The following OPN4 variants were observed in gnomAD, a reference collection of about 807,000 sequenced individuals.
The protein encoded by OPN4 is opsin 4.
In OPN4, 43 loss-of-function variants were observed where a neutral mutation model predicts 49.5. The observed-to-expected ratio is 0.87, with a 90% CI of 0.68 to 1.12. The LOEUF (loss-of-function observed/expected upper bound fraction) is 1.12, where lower values mean the gene tolerates loss of function less well. Ranked by LOEUF, OPN4 falls within the 50% of genes most tolerant of loss-of-function variation. The probability of loss-of-function intolerance (pLI) is 0.00; values close to 1 mark genes in which losing one functional copy is unlikely to be tolerated. For synonymous variants in OPN4, 263 were observed against 258.0 expected, an observed-to-expected ratio of 1.02 and a Z score of -0.19; for missense variants, 657 against 643.9, an observed-to-expected ratio of 1.02 and a Z score of -0.22.
chr10:86,660,301 G>A (rs771290293), intron 6 of OPN4, among the ~76,000 whole-genome samples: 2 of 152,208 alleles, frequency 1.3e-5, no homozygotes, highest in East Asian at 1.9e-4. Context: ...AGCTTTGGGC[G>A]GACGGCCTGC....
At chr10:86,656,112 A>T in intron 1 of OPN4, 43 bp from the exon 2 acceptor site, 1 of 1,613,616 alleles carries the variant, frequency 6.2e-7, no homozygotes, top group African/African-American at 1.3e-5. Flanking sequence ...TTTGAAGGTG[A>T]CAAGCGATAA....
Position 86,659,517 on chromosome 10 carries a change from G to A in OPN4, c.800+49G>A, listed in dbSNP as rs185481369. On this transcript the variant is annotated intron_variant, in intron 5 of 9. Transcript: ENST00000241891. ...GCTACAGGAGGGGGACCGGCCCCTCGGCCAGGCGGCCCCTGCCCCACCACT... is the reference window on the plus strand; with the variant it reads ...GCTACAGGAGGGGGACCGGCCCCTCAGCCAGGCGGCCCCTGCCCCACCACT... 1.2e-3 allele frequency: 1,826 copies of A among 1,581,952 alleles called. 3 individuals carry two copies. Among genetic ancestry groups the A allele is most frequent in the Non-Finnish European group, 1.4e-3 (1,653 of 1,166,320 alleles).
intron 8 of OPN4, 128 bp from the exon 9 acceptor site, chr10:86,663,531 A>G: frequency 1.2e-6 from 1 of 820,604 alleles, no homozygotes; most frequent in Non-Finnish European, 1.8e-6. Flanking sequence ...CAACGGTGCA[A>G]ATGGTGTCAG....
rs1280576412 is a variant in OPN4 at position 86,662,337 on chromosome 10, T to TCCAC, written c.1165_1168dup (p.Arg390ProfsTer29). On this transcript the variant is annotated frameshift_variant, in exon 8 of 10. Coordinates refer to ENST00000241891, the MANE Select transcript of OPN4 (RefSeq NM_033282.4). LOFTEE classifies it high-confidence loss of function. Reference sequence around the variant, plus strand: ...CAGTCGCCCCTACCCCAGCTACCGCTCCACCCACCGCTCCACGCTGACCAG... The same window carrying TCCAC: ...CAGTCGCCCCTACCCCAGCTACCGCTCCACCCACCCACCGCTCCACGCTGACCAG... 1 of 1,599,768 alleles carries TCCAC rather than the reference T, an allele frequency of 6.3e-7. No homozygotes were observed. The highest frequency in any genetic ancestry group is 1.1e-5 in the South Asian group (1 of 88,404).
At position 86,665,741 on chromosome 10, in the gene OPN4, C is replaced by T. The variant is rs35891072; in HGVS notation, c.1427C>T (p.Pro476Leu). 186 of 1,613,570 alleles carry T rather than the reference C, an allele frequency of 1.2e-4. 1 individual carries two copies. In the African/African-American group the frequency reaches 2.3e-3, roughly 20 times the overall value. ...AAGGGGCTGATCCCCAGCCAGGACC[C>T]CAGGATGTAGGACGCCCACTGGCTC... ...KTKGLIPSQD[P>L]RM The change falls in exon 10 of 10, where the codon CCC becomes CTC. Residue 476 changes from proline (P) to leucine (L), a missense_variant. Physicochemically the swap from Pro to Leu is moderately conservative, Grantham distance 98. Transcript: ENST00000241891.
chr10:86,656,127 A>T (rs1338469750), intron 1 of OPN4, 28 bp from the exon 2 acceptor site: 1 of 1,613,860 alleles, frequency 6.2e-7, no homozygotes, highest in East Asian at 2.2e-5. Flanking sequence ...CGATAACATG[A>T]TTCCCTCGTT....
rs535877312 is a variant in OPN4 at position 86,662,316 on chromosome 10, C to T, written c.1138C>T (p.Arg380Cys). 48 of 1,606,616 alleles carry T rather than the reference C, an allele frequency of 3.0e-5. No individual in the cohort carries two copies. In the South Asian group the frequency reaches 4.1e-4, roughly 14 times the overall value. The change falls in exon 8 of 10, where the codon CGC becomes TGC. Residue 380 changes from arginine (R) to cysteine (C), a missense_variant. Coordinates refer to ENST00000241891, the MANE Select transcript of OPN4 (RefSeq NM_033282.4). ...VLLGVSRRHS[R>C]PYPSYRSTHR... ...GCTGGGTGTATCACGCCGGCACAGTCGCCCCTACCCCAGCTACCGCTCCAC... is the reference window on the plus strand; with the variant it reads ...GCTGGGTGTATCACGCCGGCACAGTTGCCCCTACCCCAGCTACCGCTCCAC...
In OPN4 at chr10:86,666,042, A is replaced by G; in HGVS notation, c.*291A>G. 1 of 471,368 alleles carries G rather than the reference A, an allele frequency of 2.1e-6. No individual in the cohort carries two copies. Among genetic ancestry groups the G allele is most frequent in the Non-Finnish European group, 3.8e-6 (1 of 264,360 alleles). The allele number at this position is 471,368 out of a possible 1,614,324, so 29.2% of individuals were successfully genotyped here. A position where few individuals can be genotyped will look rare whatever the true frequency, so the allele number is the denominator to read the frequency against. On this transcript the variant is annotated 3_prime_UTR_variant, in exon 10 of 10. Coordinates refer to ENST00000241891, the MANE Select transcript of OPN4 (RefSeq NM_033282.4). The stretch of plus-strand genomic sequence containing the variant: ...TTCCCGAGTTGTCTGCCTCTCCTCA[A>G]ATGCTGTGTGCTGCAATTGTCCAGG...
intron 9 of OPN4, chr10:86,664,117 A>T (rs1844087036): frequency 1.4e-5 from 4 of 277,104 alleles, no homozygotes; most frequent in Non-Finnish European, 2.0e-5. Context: ...TGAGGGTAGG[A>T]GGTCTGCAGC....
At chr10:86,664,280 G>A (rs1444506383) in intron 9 of OPN4, among the ~76,000 whole-genome samples, 2 of 152,214 alleles carry the variant, frequency 1.3e-5, no homozygotes, top group African/African-American at 4.8e-5. Context: ...ATGTGACTGA[G>A]TGTGGGTGGT....
At chr10:86,659,511 C>A in intron 5 of OPN4, 43 bp downstream of exon 5, 3 of 1,596,974 alleles carry the variant, frequency 1.9e-6, no homozygotes, top group Non-Finnish European at 2.6e-6. Flanking sequence ...GGGGGACCGG[C>A]CCCTCGGCCA....
intron 8 of OPN4, among the ~76,000 whole-genome samples, chr10:86,662,833 C>A (rs1459807389): frequency 6.6e-6 from 1 of 152,254 alleles, no homozygotes; most frequent in Non-Finnish European, 1.5e-5. Flanking sequence ...CAGCATTAAG[C>A]CCCCTCCTCC....
rs760028419 is a variant in OPN4, at chr10:86,658,558, G to A, written c.499G>A (p.Asp167Asn). The change falls in exon 4 of 10, where the codon GAC (aspartate) becomes AAC (asparagine). Residue 167 changes from aspartate (D) to asparagine (N), a missense_variant. Coordinates refer to ENST00000241891, the MANE Select transcript of OPN4 (RefSeq NM_033282.4). ...SMITLTAIAL[D>N]RYLVITRPLA... ...GATCACCCTGACGGCCATCGCCCTGGACCGCTACCTGGTAATCACACGCCC... is the reference window on the plus strand; with the variant it reads ...GATCACCCTGACGGCCATCGCCCTGAACCGCTACCTGGTAATCACACGCCC... 5 of 1,614,054 alleles carry A rather than the reference G, an allele frequency of 3.1e-6. No homozygotes were observed. The African/African-American group carries it at 5.3e-5, about 17-fold the overall frequency.
At chr10:86,661,505 G>A (rs1173728383) in intron 7 of OPN4, 117 bp downstream of exon 7, 2 of 719,978 alleles carry the variant, frequency 2.8e-6, no homozygotes, top group Non-Finnish European at 4.6e-6. Flanking sequence ...GCCACCAGCA[G>A]CTGGGAGCGG....
rs1840168077 is a variant in OPN4 at position 86,662,488 on chromosome 10, C to T, written c.1254+56C>T. ...CCTGGCCATCCCTTCCTCAGGCAGC[C>T]CTGGGGCTCTGGGGAATACATAGGC... is the stretch of plus-strand genomic sequence containing the variant. On this transcript the variant is annotated intron_variant, in intron 8 of 9. Transcript: ENST00000241891. 5 of 1,502,898 alleles carry T rather than the reference C, an allele frequency of 3.3e-6. No homozygotes were observed. The South Asian group carries it at 3.7e-5, about 11-fold the overall frequency. The allele number at this position is 1,502,898 out of a possible 1,614,324, so 93.1% of individuals were successfully genotyped here. A position where few individuals can be genotyped will look rare whatever the true frequency, so the allele number is the denominator to read the frequency against.
rs1844001885 is a variant in OPN4, at chr10:86,661,350, CA to C, written c.1037del (p.Asn346ThrfsTer48). On this transcript the variant is annotated frameshift_variant, in exon 7 of 10. Transcript: ENST00000241891. LOFTEE classifies it high-confidence loss of function. ...TCATCGCCAAGGCCTCTGCAATCCA[CA>C]ACCCCATCATTTACGCCATCACCCA... is the stretch of plus-strand genomic sequence containing the variant. ...AVIAKASAIH[N>X]PIIYAITHPK... The C allele has an allele frequency of 1.2e-6, 2 of 1,613,998 alleles. No individual in the cohort carries two copies. The highest frequency in any genetic ancestry group is 1.7e-6 in the Non-Finnish European group (2 of 1,179,978).
chr10:86,662,175 C>T, intron 7 of OPN4, 77 bp from the exon 8 acceptor site: 1 of 1,316,426 alleles, frequency 7.6e-7, no homozygotes, highest in South Asian at 1.3e-5. Flanking sequence ...TAGGCCTGTA[C>T]CAGCCTGTGC....
At position 86,664,595 on chromosome 10, in the gene OPN4, C is replaced by A. The variant is rs566078311; in HGVS notation, c.1398+793C>A. Among the ~76,000 whole-genome samples, 72 of 152,322 alleles carry A rather than the reference C, an allele frequency of 4.7e-4. 1 individual carries two copies. Among genetic ancestry groups the A allele is most frequent in the Non-Finnish European group, 8.5e-4 (58 of 68,024 alleles). ...CCCACACAACACCCTCAGCTCAGCTCCTGGGCTCTCTCCAGCTTCCCTAGC... is the reference window on the plus strand; with the variant it reads ...CCCACACAACACCCTCAGCTCAGCTACTGGGCTCTCTCCAGCTTCCCTAGC... On this transcript the variant is annotated intron_variant, in intron 9 of 9. Coordinates refer to ENST00000241891, the MANE Select transcript of OPN4 (RefSeq NM_033282.4).
In OPN4 at chr10:86,663,760, AC is replaced by A. The variant is rs1161778400; in HGVS notation, c.1362del (p.Arg455AspfsTer16). On this transcript the variant is annotated frameshift_variant, in exon 9 of 10. Transcript: ENST00000241891. LOFTEE classifies it low-confidence loss of function (END_TRUNC). Reference sequence around the variant, plus strand: ...GTCTGGAGGACTTGGAAGCCAAGGCACCCCCCAGACCCCAGGGACACGAAGC... The same window carrying A: ...GTCTGGAGGACTTGGAAGCCAAGGCACCCCCAGACCCCAGGGACACGAAGC... ...QGLEDLEAKA[P>X]PRPQGHEAET... 4 of 1,560,076 alleles carry A rather than the reference AC, an allele frequency of 2.6e-6. No individual in the cohort carries two copies. The highest frequency in any genetic ancestry group is 1.4e-5 in the African/African-American group (1 of 73,216).
Sources: gnomAD v4.1 joint callset for allele counts (sites outside exome capture counted in the v4.1 genomes callset) on GRCh38, gnomAD v4.1.1 for gene constraint, MANE v1.5 for transcripts, NCBI Gene and HGNC (gene_info 2026-07-23, HGNC 2026-07-21) for gene names.